The following CNTN4 variants were observed in gnomAD, a reference collection of about 807,000 sequenced individuals.
CNTN4 encodes the protein contactin 4.
In CNTN4, 77 loss-of-function variants were observed where a neutral mutation model predicts 122.5. That is an observed-to-expected ratio of 0.63 (90% CI 0.52 to 0.76). The LOEUF (loss-of-function observed/expected upper bound fraction) is 0.76, where lower values mean the gene tolerates loss of function less well. Ranked by LOEUF, CNTN4 falls within the 30% of genes least tolerant of loss-of-function variation. The pLI, the probability that CNTN4 is intolerant of heterozygous loss-of-function variation, is 0.00. For synonymous variants in CNTN4, 512 were observed against 447.0 expected, an observed-to-expected ratio of 1.15 and a Z score of -1.83; for missense variants, 1,256 against 1,259.1, an observed-to-expected ratio of 1.00 and a Z score of 0.04.
At chr3:3,015,113 T>G (rs532541450) in intron 14 of CNTN4, among the ~76,000 whole-genome samples, 1 of 152,260 alleles carries the variant, frequency 6.6e-6, no homozygotes, top group Non-Finnish European at 1.5e-5. Flanking sequence ...TCCTTTAAAT[T>G]TCACTGAATG....
intron 2 of CNTN4, among the ~76,000 whole-genome samples, chr3:2,142,405 C>G (rs1373932354): frequency 6.6e-6 from 1 of 151,636 alleles, no homozygotes; most frequent in Non-Finnish European, 1.5e-5. Flanking sequence ...CATTCTGTCG[C>G]CCAGGCTGGA....
intron 3 of CNTN4, among the ~76,000 whole-genome samples, chr3:2,486,189 C>T (rs1346183615): frequency 1.3e-5 from 2 of 152,066 alleles, no homozygotes. Context: ...CTCCTGAAGC[C>T]CGCGAGATCA....
At chr3:2,335,945 T>C (rs1178544) in intron 2 of CNTN4, among the ~76,000 whole-genome samples, 102,728 of 151,962 alleles carry the variant, frequency 0.68, 35,380 homozygotes, top group East Asian at 0.95. Flanking sequence ...GGAGCACCTG[T>C]TTTAGACCAG....
chr3:2,229,275 T>C (rs1232128487), intron 2 of CNTN4, among the ~76,000 whole-genome samples: 1 of 152,142 alleles, frequency 6.6e-6, no homozygotes, highest in Non-Finnish European at 1.5e-5. Flanking sequence ...GGGTTTTGGG[T>C]ATTATTAAAA....
At chr3:2,559,327 T>C (rs1280288935) in intron 3 of CNTN4, among the ~76,000 whole-genome samples, 1 of 152,178 alleles carries the variant, frequency 6.6e-6, no homozygotes, top group Admixed American at 6.5e-5. Context: ...TTTTTATTTT[T>C]GAATGTCAGT....
At position 3,043,589 on chromosome 3, in the gene CNTN4, T is replaced by G; in HGVS notation, c.2699-3T>G. The stretch of plus-strand genomic sequence containing the variant: ...GACTTCGTATATCTTAATTTTTTTA[T>G]AGCACCAAGTCAACCCCCCGGAAAC... On this transcript the variant is annotated splice_polypyrimidine_tract_variant and splice_region_variant and intron_variant, in intron 22 of 24. Transcript: ENST00000418658. 2 of 1,600,964 alleles carry G rather than the reference T, an allele frequency of 1.2e-6. No individual in the cohort carries two copies. The highest frequency in any genetic ancestry group is 1.7e-6 in the Non-Finnish European group (2 of 1,168,062).
At chr3:2,733,679 A>G (rs967155446) in intron 4 of CNTN4, among the ~76,000 whole-genome samples, 5 of 151,708 alleles carry the variant, frequency 3.3e-5, no homozygotes, top group Admixed American at 6.6e-5. Flanking sequence ...GATTACAGGC[A>G]CACGCCACCA....
At chr3:2,491,534 A>G (rs932055014) in intron 3 of CNTN4, among the ~76,000 whole-genome samples, 1 of 152,188 alleles carries the variant, frequency 6.6e-6, no homozygotes, top group Non-Finnish European at 1.5e-5. Flanking sequence ...AACTAGGAGA[A>G]GAAGTATTGT....
intron 14 of CNTN4, among the ~76,000 whole-genome samples, chr3:3,006,652 C>T (rs163555): frequency 1 from 152,314 of 152,314 alleles, 76,157 homozygotes; most frequent in Non-Finnish European, 1. Flanking sequence ...AATTAGTAAG[C>T]AGCAGACCAA....
chr3:2,645,578 A>G (rs1262288021), intron 4 of CNTN4, among the ~76,000 whole-genome samples: 1 of 152,212 alleles, frequency 6.6e-6, no homozygotes, highest in Non-Finnish European at 1.5e-5. Flanking sequence ...TAGTAGTAAA[A>G]ATAACACTTA....
At chr3:2,424,859 G>A (rs1370398120) in intron 3 of CNTN4, among the ~76,000 whole-genome samples, 8 of 152,128 alleles carry the variant, frequency 5.3e-5, no homozygotes, top group Non-Finnish European at 1.2e-4. Context: ...CTGCATAAAT[G>A]TCTTTCTTCT....
In CNTN4 at chr3:2,858,596, G is replaced by A. The variant is rs947180671; in HGVS notation, c.455-8156G>A. On this transcript the variant is annotated intron_variant, in intron 7 of 24. Transcript: ENST00000418658. Reference sequence around the variant, plus strand: ...ACAAAAATTAGCCAGGCACAGTGGTGCACGCCTGTGGTCCCACTTGGGAGG... The same window carrying A: ...ACAAAAATTAGCCAGGCACAGTGGTACACGCCTGTGGTCCCACTTGGGAGG... Among the ~76,000 whole-genome samples, 4 of 152,092 alleles carry A rather than the reference G, an allele frequency of 2.6e-5. No homozygotes were observed. In the East Asian group the frequency reaches 5.8e-4, roughly 22 times the overall value.
chr3:2,997,656 C>A (rs1434827823), intron 14 of CNTN4, among the ~76,000 whole-genome samples: 3 of 152,166 alleles, frequency 2.0e-5, no homozygotes, highest in Non-Finnish European at 4.4e-5. Flanking sequence ...AAGATGAAAG[C>A]AAGTTAATTA....
chr3:2,513,810 C>G (rs2076961536), intron 3 of CNTN4, among the ~76,000 whole-genome samples: 2 of 152,048 alleles, frequency 1.3e-5, no homozygotes, highest in South Asian at 4.1e-4. Flanking sequence ...CTCCAGGGGT[C>G]AGTTTAGGGT....
At chr3:2,763,961 C>T (rs1373863106) in intron 6 of CNTN4, among the ~76,000 whole-genome samples, 13 of 147,882 alleles carry the variant, frequency 8.8e-5, no homozygotes, top group African/African-American at 2.3e-4. Context: ...CTTGGCTATT[C>T]GGGCTTTTTT....
At chr3:2,476,040 C>G (rs1013150562) in intron 3 of CNTN4, among the ~76,000 whole-genome samples, 3 of 152,178 alleles carry the variant, frequency 2.0e-5, no homozygotes, top group African/African-American at 7.2e-5. Flanking sequence ...AGCATATGGT[C>G]TGAGAAGCAG....
At chr3:2,756,798 A>G (rs1315256581) in intron 6 of CNTN4, among the ~76,000 whole-genome samples, 1 of 152,202 alleles carries the variant, frequency 6.6e-6, no homozygotes, top group Non-Finnish European at 1.5e-5. Context: ...AGAAGCTAGA[A>G]GAAGCAGGGA....
At chr3:2,630,484 T>C (rs1396853716) in intron 4 of CNTN4, among the ~76,000 whole-genome samples, 1 of 152,204 alleles carries the variant, frequency 6.6e-6, no homozygotes, top group Non-Finnish European at 1.5e-5. Flanking sequence ...TGTATATCTA[T>C]CTTACTAAAA....
intron 3 of CNTN4, among the ~76,000 whole-genome samples, chr3:2,568,049 G>A (rs1460301750): frequency 6.6e-6 from 1 of 152,060 alleles, no homozygotes; most frequent in Non-Finnish European, 1.5e-5. Flanking sequence ...ACCTAGCACC[G>A]TGCCTGCCAC....
Sources: allele counts gnomAD v4.1 joint callset (sites outside exome capture counted in the v4.1 genomes callset), GRCh38; gene constraint gnomAD v4.1.1; transcripts MANE v1.5; gene names NCBI Gene and HGNC (gene_info 2026-07-23, HGNC 2026-07-21).